Variants in NPAS3 observed in about 807,000 individuals in gnomAD.
The protein encoded by NPAS3 is neuronal PAS domain-containing protein 3.
A neutral mutation model predicts 73.1 loss-of-function variants in NPAS3; 14 were observed. The ratio of observed to expected loss-of-function variants is 0.19; its 90% CI spans 0.13 to 0.30. The LOEUF (loss-of-function observed/expected upper bound fraction) is 0.30, where lower values mean the gene tolerates loss of function less well. Among genes scored for constraint, NPAS3 ranks in the 10% least tolerant of loss-of-function variants. The pLI, the probability that NPAS3 is intolerant of heterozygous loss-of-function variation, is 1.00. For missense variants in NPAS3, 1,096 were observed against 1,250.0 expected (o/e 0.88, Z 1.86); for synonymous variants, 620 against 541.5 (o/e 1.14, Z -2.01).
intron 2 of NPAS3, among the ~76,000 whole-genome samples, chr14:33,186,376 T>A (rs1177631724): frequency 1.3e-5 from 2 of 152,222 alleles, no homozygotes; most frequent in Admixed American, 6.5e-5. Context: ...AACAGTGAAA[T>A]AATACAACTT....
At chr14:33,314,697 C>T (rs185040215) in intron 3 of NPAS3, among the ~76,000 whole-genome samples, 114 of 152,098 alleles carry the variant, frequency 7.5e-4, no homozygotes, top group African/African-American at 2.7e-3. Flanking sequence ...TCCAGAAACA[C>T]CTGGACCTCC....
intron 2 of NPAS3, among the ~76,000 whole-genome samples, chr14:33,212,316 T>A (rs1258992718): frequency 6.6e-6 from 1 of 152,128 alleles, no homozygotes; most frequent in Admixed American, 6.6e-5. Context: ...TAAACTATGG[T>A]CCCTGCATAA....
In NPAS3 at chr14:33,216,283, C is replaced by A. The variant is rs1413936048; in HGVS notation, c.385+857C>A. Among the ~76,000 whole-genome samples, 4 of 152,264 alleles carry A rather than the reference C, an allele frequency of 2.6e-5. No homozygotes were observed. In the South Asian group the frequency reaches 8.3e-4, roughly 32 times the overall value. On this transcript the variant is annotated intron_variant, in intron 3 of 11. Transcript: ENST00000356141. ...ATTTGGAGGAGGTGCAGGCAACTTC[C>A]TCTAGGGAAGAATTAGCTTCTTTTG...
intron 2 of NPAS3, among the ~76,000 whole-genome samples, chr14:33,129,926 C>T (rs2043571989): frequency 6.6e-6 from 1 of 152,102 alleles, no homozygotes; most frequent in Non-Finnish European, 1.5e-5. Flanking sequence ...ATTTTACTCA[C>T]AGTTTCATGA....
chr14:33,517,930 T>A (rs2053378782), intron 4 of NPAS3, among the ~76,000 whole-genome samples: 1 of 151,820 alleles, frequency 6.6e-6, no homozygotes, highest in Admixed American at 6.6e-5. Flanking sequence ...AATCCTCGGC[T>A]CTCCCCAGCA....
At chr14:33,648,673 T>G (rs144682351) in intron 5 of NPAS3, among the ~76,000 whole-genome samples, 23 of 152,262 alleles carry the variant, frequency 1.5e-4, no homozygotes, top group Middle Eastern at 3.4e-3. Context: ...TCCCAGTGCG[T>G]GTGTGAAGCC....
intron 6 of NPAS3, among the ~76,000 whole-genome samples, chr14:33,705,125 A>G (rs2060621854): frequency 6.6e-6 from 1 of 152,206 alleles, no homozygotes; most frequent in African/African-American, 2.4e-5. Context: ...TGCTACTTAG[A>G]GACTGTTTCT....
At chr14:33,518,610 T>G (rs78955851) in intron 4 of NPAS3, among the ~76,000 whole-genome samples, 1 of 144,838 alleles carries the variant, frequency 6.9e-6, no homozygotes, top group African/African-American at 2.7e-5. Context: ...TTTTTTTTTT[T>G]GGCATGTTAC....
chr14:33,015,711 G>T (rs1249297811), intron 1 of NPAS3, among the ~76,000 whole-genome samples: 7 of 152,088 alleles, frequency 4.6e-5, no homozygotes, highest in Admixed American at 4.6e-4. Flanking sequence ...GCAAGTGTGT[G>T]TATTCACATA....
intron 2 of NPAS3, among the ~76,000 whole-genome samples, chr14:33,156,435 G>C (rs1282674834): frequency 6.6e-6 from 1 of 152,138 alleles, no homozygotes; most frequent in Non-Finnish European, 1.5e-5. Flanking sequence ...CAAAATGTAA[G>C]TAACATATTC....
At chr14:33,030,284 C>T (rs1198143780) in intron 1 of NPAS3, among the ~76,000 whole-genome samples, 4 of 151,908 alleles carry the variant, frequency 2.6e-5, no homozygotes, top group Admixed American at 6.6e-5. Context: ...CAGTGATTGC[C>T]GAAATGGTAA....
intron 3 of NPAS3, among the ~76,000 whole-genome samples, chr14:33,268,936 C>T (rs2040945618): frequency 6.6e-6 from 1 of 152,160 alleles, no homozygotes; most frequent in Admixed American, 6.5e-5. Context: ...ATCTTCTGTG[C>T]CAGCTGTCAT....
At chr14:33,674,863 T>C (rs1464185204) in intron 5 of NPAS3, among the ~76,000 whole-genome samples, 1 of 152,212 alleles carries the variant, frequency 6.6e-6, no homozygotes, top group Non-Finnish European at 1.5e-5. Flanking sequence ...AAATGGAGTC[T>C]GGGAGTAGAT....
At chr14:33,511,052 A>G (rs1405806388) in intron 4 of NPAS3, among the ~76,000 whole-genome samples, 2 of 152,084 alleles carry the variant, frequency 1.3e-5, no homozygotes, top group Non-Finnish European at 2.9e-5. Flanking sequence ...AATTTACCAG[A>G]AACTCCTAGT....
chr14:33,605,985 G>A (rs781211812), intron 5 of NPAS3, among the ~76,000 whole-genome samples: 3 of 152,138 alleles, frequency 2.0e-5, no homozygotes, highest in Admixed American at 1.3e-4. Flanking sequence ...AAAATCCACA[G>A]TAATCAAGAC....
At chr14:33,472,622 G>A (rs1205341796) in intron 4 of NPAS3, among the ~76,000 whole-genome samples, 17 of 143,928 alleles carry the variant, frequency 1.2e-4, no homozygotes, top group Admixed American at 1.1e-3. Context: ...GCTGATAGCA[G>A]TGGAGGTTAG....
chr14:33,271,691 C>CA (rs1295105371), intron 3 of NPAS3, among the ~76,000 whole-genome samples: 3 of 152,026 alleles, frequency 2.0e-5, no homozygotes, highest in African/African-American at 4.8e-5. Context: ...CTTGCTCTAC[C>CA]ATCTGGTTCC....
intron 5 of NPAS3, among the ~76,000 whole-genome samples, chr14:33,652,527 G>T (rs994068205): frequency 2.0e-5 from 3 of 152,144 alleles, no homozygotes; most frequent in Non-Finnish European, 4.4e-5. Context: ...GTGACCAGGG[G>T]CTCGCAGAGC....
intron 3 of NPAS3, among the ~76,000 whole-genome samples, chr14:33,271,124 A>G (rs138516542): frequency 7.2e-4 from 110 of 152,332 alleles, no homozygotes; most frequent in Non-Finnish European, 1.1e-3. Context: ...ATATAGAAAT[A>G]CGACTGGATA....
Sources: gnomAD v4.1 joint callset for allele counts (sites outside exome capture counted in the v4.1 genomes callset) on GRCh38, gnomAD v4.1.1 for gene constraint, MANE v1.5 for transcripts, NCBI Gene and HGNC (gene_info 2026-07-23, HGNC 2026-07-21) for gene names.